Variants in PXDC1 observed in about 807,000 individuals in gnomAD.
PXDC1 encodes PX domain containing 1, also known as PX domain-containing protein 1.
In PXDC1, 13 loss-of-function variants were observed where a neutral mutation model predicts 24.4. The ratio of observed to expected loss-of-function variants is 0.53; its 90% CI spans 0.35 to 0.85. The LOEUF (loss-of-function observed/expected upper bound fraction) is 0.85, where lower values mean the gene tolerates loss of function less well. PXDC1 is among the 40% of genes least tolerant of loss of function. PXDC1 has a pLI of 0.01. For missense variants in PXDC1, 344 were observed against 309.3 expected, an observed-to-expected ratio of 1.11 and a Z score of -0.84; for synonymous variants, 162 against 124.9, an observed-to-expected ratio of 1.30 and a Z score of -1.98.
chr6:3,748,380 G>A (rs992608415), intron 1 of PXDC1, among the ~76,000 whole-genome samples: 27 of 152,110 alleles, frequency 1.8e-4, no homozygotes, highest in African/African-American at 6.3e-4. Context: ...GGAAAGGGGA[G>A]AGAGGACAGA....
intron 1 of PXDC1, among the ~76,000 whole-genome samples, chr6:3,750,028 A>C (rs992998982): frequency 2.0e-5 from 3 of 152,236 alleles, no homozygotes; most frequent in African/African-American, 7.2e-5. Flanking sequence ...ACAGCTATAA[A>C]TGTGAGGCTC....
chr6:3,727,317 A>G (rs182509210), intron 4 of PXDC1, among the ~76,000 whole-genome samples: 1 of 152,286 alleles, frequency 6.6e-6, no homozygotes, highest in African/African-American at 2.4e-5. Flanking sequence ...CTAGCCCTGC[A>G]ACGTCTCCTA....
intron 3 of PXDC1, among the ~76,000 whole-genome samples, chr6:3,729,343 C>A (rs575986103): frequency 6.6e-6 from 1 of 152,136 alleles, no homozygotes. Flanking sequence ...TTCCTCCTCG[C>A]CCCCCATAGG....
chr6:3,737,546 G>A lies in PXDC1; in HGVS notation c.349-350C>T, dbSNP rs1391856241. On this transcript the variant is annotated intron_variant, in intron 2 of 4. Coordinates refer to ENST00000380283, the MANE Select transcript of PXDC1 (RefSeq NM_183373.4). The surrounding 1 kb of genome is among the most constrained non-coding windows in gnomAD (Gnocchi z 5.5). Reference sequence around the variant, plus strand: ...CAGAAAGAAAGGGAAGCTTCCAGGAGCTAAGGAGGTCTGCCTGGCGCTCAA... The same window carrying A: ...CAGAAAGAAAGGGAAGCTTCCAGGAACTAAGGAGGTCTGCCTGGCGCTCAA... 9.1e-6 allele frequency: 4 copies of A among 437,884 alleles called. No individual in the cohort carries two copies. In the Admixed American group the frequency reaches 2.6e-4, roughly 28 times the overall value. The allele number at this position is 437,884 out of a possible 1,614,324, so 27.1% of individuals were successfully genotyped here.
chr6:3,743,015 T>C (rs1183879830), intron 1 of PXDC1, among the ~76,000 whole-genome samples: 3 of 152,234 alleles, frequency 2.0e-5, no homozygotes, highest in Admixed American at 1.3e-4. Flanking sequence ...TACAAAAATC[T>C]GACAGTGAGA....
At position 3,727,595 on chromosome 6, in the gene PXDC1, T is replaced by C. The variant is rs764208758; in HGVS notation, c.534A>G (p.Pro178=). ...TETIVIDHSI[P]NGRDQQLGVD... is the part of the protein sequence containing the mutation. ...CGCCCAGCTGCTGGTCTCTTCCATTTGGTATACTGTGGTCAATAACTATTG... is the reference window on the plus strand; with the variant it reads ...CGCCCAGCTGCTGGTCTCTTCCATTCGGTATACTGTGGTCAATAACTATTG... The change falls in exon 4 of 5, where the codon CCA becomes CCG. Residue 178 remains proline, a synonymous_variant. Coordinates refer to ENST00000380283, the MANE Select transcript of PXDC1 (RefSeq NM_183373.4). The C allele has an allele frequency of 3.1e-6, 5 of 1,613,784 alleles. No individual in the cohort carries two copies. The highest frequency in any genetic ancestry group is 4.5e-5 in the East Asian group (2 of 44,880).
At chr6:3,729,529 A>G (rs1038182028) in intron 3 of PXDC1, among the ~76,000 whole-genome samples, 5 of 152,200 alleles carry the variant, frequency 3.3e-5, no homozygotes, top group Admixed American at 2.6e-4. Flanking sequence ...TGCGAAGCAA[A>G]GAGGAATCAG....
chr6:3,736,918 G>A (rs1211760703), intron 3 of PXDC1, among the ~76,000 whole-genome samples, 161 bp downstream of exon 3: 6 of 152,202 alleles, frequency 3.9e-5, no homozygotes, highest in Admixed American at 2.0e-4. Flanking sequence ...CACTGCTTGG[G>A]AGAATCAGGC....
intron 1 of PXDC1, among the ~76,000 whole-genome samples, chr6:3,743,743 C>T (rs558254151): frequency 1.3e-5 from 2 of 152,314 alleles, no homozygotes; most frequent in African/African-American, 4.8e-5. Context: ...TGGAGTGTCA[C>T]GCAGTATAAC....
intron 3 of PXDC1, among the ~76,000 whole-genome samples, chr6:3,734,026 C>T (rs1211821893): frequency 2.0e-5 from 3 of 152,204 alleles, no homozygotes; most frequent in South Asian, 2.1e-4. Context: ...CCTTCCTAGA[C>T]CTGGACACTG....
chr6:3,727,538 T>G lies in PXDC1; in HGVS notation c.578+13A>C. The G allele has an allele frequency of 6.5e-7, 1 of 1,534,364 alleles. No homozygotes were observed. Among genetic ancestry groups the G allele is most frequent in the South Asian group, 1.1e-5 (1 of 89,284 alleles). ...GACAGTCTATGAAACGATATTCAAATCAGCATACTTACAAATGCTCTGTTG... is the reference window on the plus strand; with the variant it reads ...GACAGTCTATGAAACGATATTCAAAGCAGCATACTTACAAATGCTCTGTTG... On this transcript the variant is annotated intron_variant, in intron 4 of 4. Transcript: ENST00000380283.
chr6:3,741,275 TTA>T (rs1215656738), intron 1 of PXDC1, among the ~76,000 whole-genome samples: 1 of 152,238 alleles, frequency 6.6e-6, no homozygotes, highest in Non-Finnish European at 1.5e-5. Flanking sequence ...TCACCTGCTT[TTA>T]TGTTTCTGAA....
chr6:3,746,452 C>G (rs569399912), intron 1 of PXDC1, among the ~76,000 whole-genome samples: 4 of 152,302 alleles, frequency 2.6e-5, no homozygotes, highest in South Asian at 2.1e-4. Context: ...TGCAGGGTGA[C>G]TTGGCCAGGT....
At chr6:3,726,418 C>T (rs891766138) in intron 4 of PXDC1, among the ~76,000 whole-genome samples, 4 of 152,256 alleles carry the variant, frequency 2.6e-5, no homozygotes, top group Non-Finnish European at 2.9e-5. Flanking sequence ...TTGGCCCCAC[C>T]GGCACAGCCT....
At chr6:3,747,269 CT>C (rs1760592051) in intron 1 of PXDC1, among the ~76,000 whole-genome samples, 1 of 152,116 alleles carries the variant, frequency 6.6e-6, no homozygotes, top group African/African-American at 2.4e-5. Flanking sequence ...TGCAGTGCCC[CT>C]GTGGCTCTCC....
At chr6:3,738,244 C>A in intron 1 of PXDC1, 96 bp from the exon 2 acceptor site, 1 of 897,654 alleles carries the variant, frequency 1.1e-6, no homozygotes, top group South Asian at 1.4e-5. Context: ...CCGCCAGGGT[C>A]GTCATCTGTA....
At chr6:3,730,165 C>T (rs1760163444) in intron 3 of PXDC1, among the ~76,000 whole-genome samples, 1 of 152,176 alleles carries the variant, frequency 6.6e-6, no homozygotes, top group Admixed American at 6.5e-5. Context: ...TTCGCTTAGA[C>T]TCTCACATTT....
At position 3,723,546 on chromosome 6, in the gene PXDC1, T is replaced by C. The variant is rs1759988033; in HGVS notation, c.*73A>G. On this transcript the variant is annotated 3_prime_UTR_variant, in exon 5 of 5. Transcript: ENST00000380283. ...AGAGCTGGGGCAGCAGCTGTGACCA[T>C]GGGGGCCAGCACAGTGGACAGCATC... 1.0e-5 allele frequency: 12 copies of C among 1,177,194 alleles called. No homozygotes were observed. Among genetic ancestry groups the C allele is most frequent in the Middle Eastern group, 2.7e-4 (1 of 3,708 alleles). The allele number at this position is 1,177,194 out of a possible 1,614,324, so 72.9% of individuals were successfully genotyped here.
chr6:3,751,327 C>T lies in PXDC1; in HGVS notation c.205G>A (p.Asp69Asn). 1 of 1,549,744 alleles carries T rather than the reference C, an allele frequency of 6.5e-7. No individual in the cohort carries two copies. The change falls in exon 1 of 5, where the codon GAC (aspartate) becomes AAC (asparagine). Residue 69 changes from aspartate (D) to asparagine (N), a missense_variant. Transcript: ENST00000380283. The stretch of plus-strand genomic sequence containing the variant: ...TCGGACCGGTCCTCGGGAAAGGCGT[C>T]GCGCAGGCGCTGCCACAGGCGGCCC... ...DLGRLWQRLR[D>N]AFPEDRSELA...
Sources: gnomAD v4.1 joint callset for allele counts (sites outside exome capture counted in the v4.1 genomes callset) on GRCh38, gnomAD v4.1.1 for gene constraint, Gnocchi (gnomAD v3.1) non-coding constraint, MANE v1.5 for transcripts, NCBI Gene and HGNC (gene_info 2026-07-23, HGNC 2026-07-21) for gene names.